COL21A1: variants seen among roughly 807,000 people sequenced by gnomAD.
COL21A1 encodes the protein collagen alpha-1(XXI) chain.
COL21A1 carries 149 observed loss-of-function variants against 137.9 expected under a neutral mutation model. That is an observed-to-expected ratio of 1.08 (90% CI 0.95 to 1.24). The LOEUF is 1.24. Ranked by LOEUF, COL21A1 falls within the 50% of genes most tolerant of loss-of-function variation. The probability of loss-of-function intolerance (pLI) is 0.00; values close to 1 mark genes in which losing one functional copy is unlikely to be tolerated. For synonymous variants in COL21A1, 456 were observed against 391.5 expected (o/e 1.16, Z -1.95); for missense variants, 1,167 against 1,158.4 (o/e 1.01, Z -0.11).
chr6:56,145,670 C>CAT (rs5876489), intron 10 of COL21A1, among the ~76,000 whole-genome samples: 113,644 of 151,680 alleles, frequency 0.75, 43,125 homozygotes, highest in East Asian at 0.9. Context: ...TTTCAGAACA[C>CAT]GTTTCATGTC....
chr6:56,277,862 T>C (rs780730320), intron 1 of COL21A1, among the ~76,000 whole-genome samples: 28 of 152,228 alleles, frequency 1.8e-4, no homozygotes, highest in Non-Finnish European at 3.2e-4. Context: ...CATGTATATT[T>C]CTGACAAAGG....
At chr6:56,116,138 A>C (rs1286375475) in intron 16 of COL21A1, among the ~76,000 whole-genome samples, 1 of 152,098 alleles carries the variant, frequency 6.6e-6, no homozygotes, top group Non-Finnish European at 1.5e-5. Context: ...TCCCAAACCT[A>C]GAGAAAGATA....
intron 1 of COL21A1, among the ~76,000 whole-genome samples, chr6:56,347,396 CTAT>C (rs2152346292): frequency 6.6e-6 from 1 of 151,896 alleles, no homozygotes; most frequent in East Asian, 1.9e-4. Context: ...CCCTGGTCTT[CTAT>C]TATCCTTCCT....
chr6:56,061,250 A>G, intron 25 of COL21A1: 1 of 545,920 alleles, frequency 1.8e-6, no homozygotes, highest in Non-Finnish European at 3.2e-6. Context: ...AGCCAGACCT[A>G]CAAGTATCCA....
intron 22 of COL21A1, among the ~76,000 whole-genome samples, chr6:56,067,606 TG>T (rs1263602295): frequency 4.0e-5 from 6 of 151,884 alleles, no homozygotes; most frequent in Non-Finnish European, 7.4e-5. Flanking sequence ...AACTTCTACA[TG>T]GTTCACAGTT....
At chr6:56,387,454 CA>C (rs141141884) in intron 1 of COL21A1, among the ~76,000 whole-genome samples, 1 of 151,550 alleles carries the variant, frequency 6.6e-6, no homozygotes, top group Admixed American at 6.6e-5. Context: ...TCACAAACAC[CA>C]AAAAAAATCA....
At chr6:56,289,447 G>A (rs555225910) in intron 1 of COL21A1, among the ~76,000 whole-genome samples, 33 of 152,254 alleles carry the variant, frequency 2.2e-4, no homozygotes, top group South Asian at 1.0e-3. Context: ...CAAACAGAGC[G>A]TGCATCTTCA....
At chr6:56,080,405 C>T (rs1767645905) in intron 17 of COL21A1, among the ~76,000 whole-genome samples, 1 of 151,732 alleles carries the variant, frequency 6.6e-6, no homozygotes, top group African/African-American at 2.4e-5. Flanking sequence ...GTTCTAGAAG[C>T]TTCTCTGTAA....
Position 56,223,115 on chromosome 6 carries a change from C to A in COL21A1, c.-39+24272G>T, listed in dbSNP as rs557762136. Reference sequence around the variant, plus strand: ...TCTACCAGTCACTTCTGGGATAAACCGTGTTCTTCCAACATTACTTTCTGG... The same window carrying A: ...TCTACCAGTCACTTCTGGGATAAACAGTGTTCTTCCAACATTACTTTCTGG... On this transcript the variant is annotated intron_variant, in intron 1 of 29. Transcript: ENST00000244728. 3.4e-4 allele frequency among the ~76,000 whole-genome samples: 51 copies of A among 151,844 alleles called. 2 individuals are homozygous for A. The South Asian group carries it at 0.01, about 31-fold the overall frequency.
chr6:56,165,615 G>A (rs1301101593), intron 7 of COL21A1, among the ~76,000 whole-genome samples: 1 of 152,222 alleles, frequency 6.6e-6, no homozygotes, highest in East Asian at 1.9e-4. Flanking sequence ...TGCTTAAACA[G>A]TTATTTATCT....
rs67453245 is a variant in COL21A1 at position 56,158,266 on chromosome 6, C to CTTTTTTTTT, written c.1372-1326_1372-1318dup. 3.2e-4 allele frequency among the ~76,000 whole-genome samples: 20 copies of CTTTTTTTTT among 62,402 alleles called. 1 individual carries two copies. Among genetic ancestry groups the CTTTTTTTTT allele is most frequent in the East Asian group, 5.4e-4 (1 of 1,838 alleles). The allele number at this position is 62,402 out of a possible 152,430, so 40.9% of individuals were successfully genotyped here. On this transcript the variant is annotated intron_variant, in intron 9 of 29. Transcript: ENST00000244728. ...CGTGGGTTTTTTCTTTTTTTTTTTT[C>CTTTTTTTTT]TTTTTTTTTTTTTTTTTTTTTTCTG...
intron 16 of COL21A1, among the ~76,000 whole-genome samples, chr6:56,102,877 T>G (rs1307697208): frequency 6.6e-5 from 10 of 152,098 alleles, no homozygotes; most frequent in Non-Finnish European, 1.3e-4. Flanking sequence ...TTCCTGAAAA[T>G]TAACCAAATT....
chr6:56,190,185 C>A (rs1231550427), intron 1 of COL21A1, among the ~76,000 whole-genome samples: 1 of 152,024 alleles, frequency 6.6e-6, no homozygotes, highest in Non-Finnish European at 1.5e-5. Flanking sequence ...ACAAAATAGA[C>A]AGACTGCTAG....
chr6:56,321,557 C>CA (rs1210739433), intron 1 of COL21A1, among the ~76,000 whole-genome samples: 1 of 152,090 alleles, frequency 6.6e-6, no homozygotes, highest in African/African-American at 2.4e-5. Context: ...TGATGTTAGA[C>CA]AAAAAGTAAA....
intron 10 of COL21A1, 60 bp downstream of exon 10, chr6:56,156,827 C>G: frequency 7.2e-7 from 1 of 1,392,250 alleles, no homozygotes; most frequent in African/African-American, 1.4e-5. Context: ...CTCAGCAAAA[C>G]TTTTACTTTG....
In COL21A1 at chr6:56,057,729, G is replaced by T; in HGVS notation, c.2802C>A (p.Gly934=). The stretch of plus-strand genomic sequence containing the variant: ...TAAAACATAGTGATGGGTCGCAGAT[G>T]CCTGGGGGGCCTGGTTGCCCTTGGA... ...PGIQGQPGPP[G]ICDPSLCFSV... Residue 934 remains glycine (G), a synonymous_variant, in exon 30 of 30, where the codon GGC becomes GGA. Transcript: ENST00000244728. The T allele has an allele frequency of 1.2e-6, 2 of 1,612,904 alleles. No homozygotes were observed. Among genetic ancestry groups the T allele is most frequent in the East Asian group, 4.5e-5 (2 of 44,714 alleles).
intron 1 of COL21A1, among the ~76,000 whole-genome samples, chr6:56,334,221 T>C (rs968900659): frequency 3.3e-5 from 5 of 152,048 alleles, no homozygotes; most frequent in African/African-American, 2.4e-5. Flanking sequence ...TCCAGAAACA[T>C]GGTGTCAAAG....
chr6:56,337,854 C>T (rs1033379631), intron 1 of COL21A1, among the ~76,000 whole-genome samples: 60 of 151,950 alleles, frequency 3.9e-4, no homozygotes, highest in Non-Finnish European at 5.0e-4. Context: ...TAGACCAGAT[C>T]GATTTTAAAA....
intron 10 of COL21A1, among the ~76,000 whole-genome samples, chr6:56,147,705 T>C (rs1258409744): frequency 6.6e-6 from 1 of 152,100 alleles, no homozygotes; most frequent in Non-Finnish European, 1.5e-5. Context: ...CTATAATATA[T>C]ATCTAAGTAA....
Sources: allele counts gnomAD v4.1 joint callset (sites outside exome capture counted in the v4.1 genomes callset), GRCh38; gene constraint gnomAD v4.1.1; transcripts MANE v1.5; gene names NCBI Gene and HGNC (gene_info 2026-07-23, HGNC 2026-07-21).